IGDCC3: variants seen among roughly 807,000 people sequenced by gnomAD.
IGDCC3 encodes putative neuronal cell adhesion molecule.
A neutral mutation model predicts 72.0 loss-of-function variants in IGDCC3; 47 were observed. The ratio of observed to expected loss-of-function variants is 0.65; its 90% CI spans 0.52 to 0.83. The LOEUF (loss-of-function observed/expected upper bound fraction) is 0.83. Ranked by LOEUF, IGDCC3 falls within the 40% of genes least tolerant of loss-of-function variation. The pLI, the probability that IGDCC3 is intolerant of heterozygous loss-of-function variation, is 0.00. For missense variants in IGDCC3, 1,038 were observed against 1,091.3 expected (o/e 0.95, Z 0.69); for synonymous variants, 477 against 472.8 (o/e 1.01, Z -0.11).
chr15:65,347,206 G>A (rs2091131601), intron 2 of IGDCC3, among the ~76,000 whole-genome samples: 1 of 152,142 alleles, frequency 6.6e-6, no homozygotes, highest in Admixed American at 6.5e-5. Context: ...TGACCACAAG[G>A]ACAACTCAAC....
chr15:65,352,822 G>T (rs2091182797), intron 2 of IGDCC3, among the ~76,000 whole-genome samples: 1 of 152,142 alleles, frequency 6.6e-6, no homozygotes, highest in Non-Finnish European at 1.5e-5. Context: ...AGTAAAAATG[G>T]GAAACTGGAC....
intron 2 of IGDCC3, among the ~76,000 whole-genome samples, chr15:65,356,867 T>TTTTTTTTTTTTTTTG (rs1595761331): frequency 6.9e-6 from 1 of 145,102 alleles, no homozygotes; most frequent in Admixed American, 6.9e-5. Flanking sequence ...TTTTTTTTTT[T>TTTTTTTTTTTTTTTG]GAGATGGAGT....
Position 65,328,885 on chromosome 15 carries a change from C to T in IGDCC3, c.*24G>A. 1 of 1,509,298 alleles carries T rather than the reference C, an allele frequency of 6.6e-7. No individual in the cohort carries two copies. The highest frequency in any genetic ancestry group is 1.3e-5 in the South Asian group (1 of 74,226). 93.5% of individuals were successfully genotyped at this position (1,509,298 alleles called of 1,614,324 possible). A position where few individuals can be genotyped will look rare whatever the true frequency, so the allele number is the denominator to read the frequency against. On this transcript the variant is annotated 3_prime_UTR_variant, in exon 14 of 14. Transcript: ENST00000327987. ...TGAGAATGGGCCCCGCTCCGTCCAC[C>T]CTCTGGAGCCTGCCAGACACTGGCT... is the stretch of plus-strand genomic sequence containing the variant.
intron 3 of IGDCC3, 60 bp from the exon 4 acceptor site, chr15:65,335,481 A>G (rs2141036610): frequency 1.9e-6 from 3 of 1,540,726 alleles, no homozygotes; most frequent in Non-Finnish European, 1.8e-6. Flanking sequence ...TCAGCCACAA[A>G]GACTCTGGGC....
chr15:65,346,209 C>T (rs2091122552), intron 2 of IGDCC3, among the ~76,000 whole-genome samples: 1 of 152,020 alleles, frequency 6.6e-6, no homozygotes, highest in African/African-American at 2.4e-5. Context: ...CCACATGGCT[C>T]CTAATTTCTA....
intron 9 of IGDCC3, 35 bp from the exon 10 acceptor site, chr15:65,330,776 C>T (rs544796030): frequency 2.0e-6 from 3 of 1,496,828 alleles, no homozygotes; most frequent in Non-Finnish European, 9.1e-7. Context: ...ATGTGAGGAC[C>T]CAGTGGAAGC....
chr15:65,335,735 G>A lies in IGDCC3; in HGVS notation c.554+77C>T, dbSNP rs894990325. ...GGCACCAACTGCAGCTCCCAGAGCC[G>A]CGGGCCATCCTTCTCTACGGCCAGA... is the stretch of plus-strand genomic sequence containing the variant. On this transcript the variant is annotated intron_variant, in intron 3 of 13. Transcript: ENST00000327987. The A allele has an allele frequency of 2.3e-5, 35 of 1,545,046 alleles. 1 individual carries two copies. The highest frequency in any genetic ancestry group is 6.8e-5 in the African/African-American group (5 of 73,500).
chr15:65,361,856 A>G (rs1282689442), intron 2 of IGDCC3, among the ~76,000 whole-genome samples: 2 of 152,112 alleles, frequency 1.3e-5, no homozygotes, highest in Non-Finnish European at 2.9e-5. Context: ...TCATTTTCGG[A>G]GCCTGCTGCA....
chr15:65,340,714 C>T (rs1372833), intron 2 of IGDCC3, among the ~76,000 whole-genome samples: 71,963 of 152,048 alleles, frequency 0.47, 20,630 homozygotes, highest in African/African-American at 0.82. Flanking sequence ...TTTAGAACCA[C>T]ATTTTCTTTT....
At chr15:65,366,812 T>A (rs868229723) in intron 2 of IGDCC3, among the ~76,000 whole-genome samples, 7 of 151,950 alleles carry the variant, frequency 4.6e-5, no homozygotes, top group Non-Finnish European at 1.0e-4. Context: ...CTTCCCACCT[T>A]CACTGGGTCT....
Position 65,335,970 on chromosome 15 carries a change from A to G in IGDCC3, c.410-14T>C. The G allele has an allele frequency of 6.2e-7, 1 of 1,613,872 alleles. No individual in the cohort carries two copies. Among genetic ancestry groups the G allele is most frequent in the Non-Finnish European group, 8.5e-7 (1 of 1,179,854 alleles). Reference sequence around the variant, plus strand: ...AGTCCGACATGGCTGGGGGAAGAGAAGTGTATGAGTGCAGTGCGCTGCTGA... The same window carrying G: ...AGTCCGACATGGCTGGGGGAAGAGAGGTGTATGAGTGCAGTGCGCTGCTGA... On this transcript the variant is annotated splice_polypyrimidine_tract_variant and intron_variant, in intron 2 of 13. Transcript: ENST00000327987.
intron 2 of IGDCC3, among the ~76,000 whole-genome samples, chr15:65,357,468 G>A (rs1306270559): frequency 1.3e-5 from 2 of 152,176 alleles, no homozygotes; most frequent in Non-Finnish European, 2.9e-5. Flanking sequence ...TCGATTATAA[G>A]CATTTTCTAG....
chr15:65,351,080 A>G (rs573502693), intron 2 of IGDCC3, among the ~76,000 whole-genome samples: 1 of 152,370 alleles, frequency 6.6e-6, no homozygotes, highest in Admixed American at 6.5e-5. Flanking sequence ...GTTCATAAAA[A>G]TTAATTGTAA....
At chr15:65,356,604 A>C (rs2140160847) in intron 2 of IGDCC3, among the ~76,000 whole-genome samples, 1 of 141,904 alleles carries the variant, frequency 7.0e-6, no homozygotes, top group South Asian at 2.2e-4. Context: ...TGGTCACACT[A>C]TGTATGCATT....
chr15:65,353,052 A>G (rs1372758173), intron 2 of IGDCC3, among the ~76,000 whole-genome samples: 2 of 152,190 alleles, frequency 1.3e-5, no homozygotes, highest in Non-Finnish European at 2.9e-5. Context: ...TAACAACCCC[A>G]TATCAGCTTG....
In IGDCC3 at chr15:65,335,975, A is replaced by G. The variant is rs757345375; in HGVS notation, c.410-19T>C. 25 of 1,613,674 alleles carry G rather than the reference A, an allele frequency of 1.5e-5. No individual in the cohort carries two copies. In the Admixed American group the frequency reaches 4.0e-4, roughly 26 times the overall value. On this transcript the variant is annotated intron_variant, in intron 2 of 13. Transcript: ENST00000327987. ...GACATGGCTGGGGGAAGAGAAGTGT[A>G]TGAGTGCAGTGCGCTGCTGAGGGCA...
chr15:65,371,058 C>T (rs532806326), intron 2 of IGDCC3, among the ~76,000 whole-genome samples: 1 of 152,270 alleles, frequency 6.6e-6, no homozygotes, highest in Non-Finnish European at 1.5e-5. Context: ...CACATTTAAA[C>T]CACTGTTGGG....
intron 2 of IGDCC3, among the ~76,000 whole-genome samples, chr15:65,373,302 G>C (rs1473494883): frequency 1.3e-5 from 2 of 152,096 alleles, no homozygotes; most frequent in East Asian, 1.9e-4. Context: ...CTCTGTCCAC[G>C]CTTCCCTTCC....
rs770158146 is a variant in IGDCC3, at chr15:65,334,709, C to T, written c.823+19G>A. ...TGGGACAGGCTGGGAGGGGCAGGGG[C>T]TGTGGGGATGAGGCTCACCCAGGCG... On this transcript the variant is annotated intron_variant, in intron 5 of 13. Transcript: ENST00000327987. 6.5e-7 allele frequency: 1 copy of T among 1,538,746 alleles called. No homozygotes were observed. Among genetic ancestry groups the T allele is most frequent in the Non-Finnish European group, 8.8e-7 (1 of 1,142,292 alleles).
Sources: gnomAD v4.1 joint callset for allele counts (sites outside exome capture counted in the v4.1 genomes callset) on GRCh38, gnomAD v4.1.1 for gene constraint, MANE v1.5 for transcripts, NCBI Gene and HGNC (gene_info 2026-07-23, HGNC 2026-07-21) for gene names.